Variants in TSHZ2 observed in about 807,000 individuals in gnomAD.
The protein encoded by TSHZ2 is teashirt homolog 2.
In TSHZ2, 21 loss-of-function variants were observed where a neutral mutation model predicts 74.4. The observed-to-expected ratio is 0.28, with a 90% CI of 0.20 to 0.41. The LOEUF is 0.41. TSHZ2 is among the 10% of genes least tolerant of loss of function. The pLI is 1.00. For synonymous variants in TSHZ2, 540 were observed against 515.3 expected, an observed-to-expected ratio of 1.05 and a Z score of -0.65; for missense variants, 1,244 against 1,293.5, an observed-to-expected ratio of 0.96 and a Z score of 0.59.
At chr20:53,413,809 G>A (rs1983139761) in intron 2 of TSHZ2, among the ~76,000 whole-genome samples, 1 of 152,198 alleles carries the variant, frequency 6.6e-6, no homozygotes, top group African/African-American at 2.4e-5. Flanking sequence ...AGTGTCTATA[G>A]TATTCACCTT....
chr20:53,033,863 T>C (rs1469673502), intron 1 of TSHZ2, among the ~76,000 whole-genome samples: 1 of 151,718 alleles, frequency 6.6e-6, no homozygotes, highest in African/African-American at 2.4e-5. Flanking sequence ...TTTCACCACG[T>C]CGGCCAGGTT....
chr20:53,301,841 G>A (rs1281258233), intron 2 of TSHZ2, among the ~76,000 whole-genome samples: 1 of 152,150 alleles, frequency 6.6e-6, no homozygotes, highest in Non-Finnish European at 1.5e-5. Flanking sequence ...CATTTGACGG[G>A]AGAAAAGTAT....
chr20:53,203,945 G>A (rs889820834), intron 1 of TSHZ2, among the ~76,000 whole-genome samples: 1 of 151,754 alleles, frequency 6.6e-6, no homozygotes, highest in South Asian at 2.1e-4. Context: ...AAAATATACT[G>A]TAAGTATAAA....
intron 1 of TSHZ2, among the ~76,000 whole-genome samples, chr20:53,016,389 A>G (rs1262169786): frequency 6.6e-6 from 1 of 152,212 alleles, no homozygotes; most frequent in Non-Finnish European, 1.5e-5. Context: ...TGCAGTTAGC[A>G]ACAAATCAGC....
rs552131349 is a variant in TSHZ2 at position 53,264,461 on chromosome 20, G to A, written c.*8+7890G>A. Reference sequence around the variant, plus strand: ...TGTTTCAAAGCATGGTGCCTTTAAAGTGCATAGTCTTAATGAGCTGATTTT... The same window carrying A: ...TGTTTCAAAGCATGGTGCCTTTAAAATGCATAGTCTTAATGAGCTGATTTT... On this transcript the variant is annotated intron_variant, in intron 2 of 2. Coordinates refer to ENST00000371497, the MANE Select transcript of TSHZ2 (RefSeq NM_173485.6). 9.9e-4 allele frequency among the ~76,000 whole-genome samples: 151 copies of A among 152,306 alleles called. 4 individuals are homozygous for A. The highest frequency in any genetic ancestry group is 3.4e-3 in the African/African-American group (140 of 41,574).
chr20:53,366,911 C>T (rs1055709701), intron 2 of TSHZ2, among the ~76,000 whole-genome samples: 1 of 152,116 alleles, frequency 6.6e-6, no homozygotes, highest in Non-Finnish European at 1.5e-5. Flanking sequence ...CATGAGGTGC[C>T]ACTTCTATCA....
chr20:53,300,728 C>T (rs1260106435), intron 2 of TSHZ2, among the ~76,000 whole-genome samples: 2 of 152,170 alleles, frequency 1.3e-5, no homozygotes, highest in Admixed American at 6.5e-5. Flanking sequence ...TGGTCAAACA[C>T]TCCAGTTTCA....
chr20:53,127,892 G>T (rs967381037), intron 1 of TSHZ2, among the ~76,000 whole-genome samples: 5 of 152,186 alleles, frequency 3.3e-5, no homozygotes, highest in African/African-American at 1.2e-4. Flanking sequence ...GAGCCAGGGT[G>T]CCCTGCTGCC....
chr20:53,336,187 A>G (rs1979942333), intron 2 of TSHZ2, among the ~76,000 whole-genome samples: 1 of 152,180 alleles, frequency 6.6e-6, no homozygotes, highest in South Asian at 2.1e-4. Flanking sequence ...ACTTTGTTAC[A>G]GGGTGGCTGA....
chr20:53,057,563 T>A lies in TSHZ2; in HGVS notation c.40+84230T>A, dbSNP rs779065785. On this transcript the variant is annotated intron_variant, in intron 1 of 2. Coordinates refer to ENST00000371497, the MANE Select transcript of TSHZ2 (RefSeq NM_173485.6). ...TTTATGTTGTTATTATTTATTATAATCATAACTTCTTTTTATGTCTCAACC... is the reference window on the plus strand; with the variant it reads ...TTTATGTTGTTATTATTTATTATAAACATAACTTCTTTTTATGTCTCAACC... Among the ~76,000 whole-genome samples the A allele has an allele frequency of 5.1e-4, 78 of 152,336 alleles. 1 individual carries two copies. Among genetic ancestry groups the A allele is most frequent in the Admixed American group, 1.7e-3 (26 of 15,304 alleles).
intron 2 of TSHZ2, among the ~76,000 whole-genome samples, chr20:53,424,570 A>T (rs56363394): frequency 0.2 from 30,032 of 151,104 alleles, 3,081 homozygotes; most frequent in Non-Finnish European, 0.24. Context: ...TTTTTTTTTT[A>T]AATTTTTTTA....
Position 52,972,852 on chromosome 20 carries a change from C to A in TSHZ2, c.-442C>A. The stretch of plus-strand genomic sequence containing the variant: ...TTTTTTTTTTCCTTATCTTTACGCG[C>A]GAGTGTGCCTGTGGCGCGTGTGCGC... On this transcript the variant is annotated 5_prime_UTR_variant, in exon 1 of 3. Coordinates refer to ENST00000371497, the MANE Select transcript of TSHZ2 (RefSeq NM_173485.6). 4.9e-6 allele frequency: 1 copy of A among 205,430 alleles called. No homozygotes were observed. The highest frequency in any genetic ancestry group is 9.4e-6 in the Non-Finnish European group (1 of 106,700). The allele number at this position is 205,430 out of a possible 1,614,324, so 12.7% of individuals were successfully genotyped here. A position where few individuals can be genotyped will look rare whatever the true frequency, so the allele number is the denominator to read the frequency against.
At chr20:53,225,518 A>G (rs1989664228) in intron 1 of TSHZ2, among the ~76,000 whole-genome samples, 1 of 152,200 alleles carries the variant, frequency 6.6e-6, no homozygotes, top group Non-Finnish European at 1.5e-5. Context: ...GAAGAAGGGA[A>G]TGTTCGTATT....
chr20:53,314,866 C>G (rs908503736), intron 2 of TSHZ2, among the ~76,000 whole-genome samples: 17 of 152,172 alleles, frequency 1.1e-4, no homozygotes, highest in Non-Finnish European at 2.1e-4. Flanking sequence ...AAGTGATCAG[C>G]CTGCCTCAGC....
intron 1 of TSHZ2, among the ~76,000 whole-genome samples, chr20:53,152,416 T>C (rs969692933): frequency 1.3e-5 from 2 of 152,154 alleles, no homozygotes; most frequent in Non-Finnish European, 1.5e-5. Context: ...AGCCTAACCC[T>C]GACCTTTATC....
chr20:53,367,089 C>T (rs1981289455), intron 2 of TSHZ2, among the ~76,000 whole-genome samples: 1 of 152,130 alleles, frequency 6.6e-6, no homozygotes. Context: ...CAGAATTTTG[C>T]TAACTCTGCA....
chr20:53,016,053 C>T (rs996783919), intron 1 of TSHZ2, among the ~76,000 whole-genome samples: 5 of 152,056 alleles, frequency 3.3e-5, no homozygotes, highest in Non-Finnish European at 7.4e-5. Context: ...CCATAATGGA[C>T]GAATCTTTTA....
chr20:53,175,265 C>T (rs879341725), intron 1 of TSHZ2, among the ~76,000 whole-genome samples: 33 of 151,446 alleles, frequency 2.2e-4, no homozygotes, highest in East Asian at 1.6e-3. Flanking sequence ...CTCAGCCTCC[C>T]GAGTAGCTGG....
chr20:53,043,944 AT>A (rs1206437366), intron 1 of TSHZ2, among the ~76,000 whole-genome samples: 5 of 152,282 alleles, frequency 3.3e-5, no homozygotes, highest in Admixed American at 2.0e-4. Flanking sequence ...ACTGAGCTAT[AT>A]TTTCAGTTCT....
Sources: allele counts gnomAD v4.1 joint callset (sites outside exome capture counted in the v4.1 genomes callset), GRCh38; gene constraint gnomAD v4.1.1; transcripts MANE v1.5; gene names NCBI Gene and HGNC (gene_info 2026-07-23, HGNC 2026-07-21).